NUDT5: variants seen among roughly 807,000 people sequenced by gnomAD.
NUDT5 encodes nudix hydrolase 5, also known as ADP-sugar pyrophosphatase.
Under a neutral mutation model 34.1 loss-of-function variants are expected in NUDT5, and 21 were observed. The ratio of observed to expected loss-of-function variants is 0.62; its 90% CI spans 0.44 to 0.89. The LOEUF (loss-of-function observed/expected upper bound fraction) is 0.89. NUDT5 is among the 40% of genes least tolerant of loss of function. NUDT5 has a pLI of 0.00. For synonymous variants in NUDT5, 85 were observed against 97.6 expected (o/e 0.87, Z 0.76); for missense variants, 249 against 274.8 (o/e 0.91, Z 0.66).
At chr10:12,174,221 C>T (rs1834911586) in intron 5 of NUDT5, among the ~76,000 whole-genome samples, 1 of 151,162 alleles carries the variant, frequency 6.6e-6, no homozygotes, top group Non-Finnish European at 1.5e-5. Context: ...AGAATCGGAG[C>T]ACTGTGAAAA....
chr10:12,194,193 G>C (rs1027921441), intron 1 of NUDT5, among the ~76,000 whole-genome samples: 1 of 152,160 alleles, frequency 6.6e-6, no homozygotes, highest in Admixed American at 6.5e-5. Flanking sequence ...AATGTTTCTT[G>C]GGCTGTTAAA....
chr10:12,178,614 T>A (rs536048827), intron 4 of NUDT5, among the ~76,000 whole-genome samples: 1 of 152,210 alleles, frequency 6.6e-6, no homozygotes, highest in Non-Finnish European at 1.5e-5. Flanking sequence ...TGTAGGCTCT[T>A]TGCAGTCAAG....
At chr10:12,185,461 T>A (rs1188021249) in intron 2 of NUDT5, among the ~76,000 whole-genome samples, 1 of 152,148 alleles carries the variant, frequency 6.6e-6, no homozygotes, top group East Asian at 1.9e-4. Context: ...GACACGTGGG[T>A]TTCCCACCCA....
In NUDT5 at chr10:12,186,272, G is replaced by A. The variant is rs777960561; in HGVS notation, c.20C>T (p.Thr7Met). Residue 7 changes from threonine (T) to methionine (M), a missense_variant, in exon 2 of 10, where the codon ACG (threonine) becomes ATG (methionine). Coordinates refer to ENST00000491614, the MANE Select transcript of NUDT5 (RefSeq NM_014142.4). ...CTGTTTGCCATTCTGAGAAGATTCCGTTGGTTCTTGGCTCTCCATTTTCAA... is the reference window on the plus strand; with the variant it reads ...CTGTTTGCCATTCTGAGAAGATTCCATTGGTTCTTGGCTCTCCATTTTCAA... MESQEP[T>M]ESSQNGKQYI... is the part of the protein sequence containing the mutation. 6.2e-6 allele frequency: 10 copies of A among 1,613,618 alleles called. No individual in the cohort carries two copies. The highest frequency in any genetic ancestry group is 4.0e-5 in the African/African-American group (3 of 74,936).
rs182406972 is a variant in NUDT5 at position 12,176,145 on chromosome 10, T to C, written c.289+1648A>G. ...CCGGGAGGCGGAGGTTGCAGTGAGC[T>C]GAGATCCTGCCATTGCACTCCAGCC... On this transcript the variant is annotated intron_variant, in intron 5 of 9. Coordinates refer to ENST00000491614, the MANE Select transcript of NUDT5 (RefSeq NM_014142.4). Among the ~76,000 whole-genome samples, 748 of 150,952 alleles carry C rather than the reference T, an allele frequency of 5.0e-3. 4 individuals carry two copies. Among genetic ancestry groups the C allele is most frequent in the African/African-American group, 0.017 (685 of 41,074 alleles).
At position 12,169,368 on chromosome 10, in the gene NUDT5, C is replaced by T. The variant is rs1476491981; in HGVS notation, c.550+1349G>A. ...GGCATTTCACACTTGCCTACGTCAC[C>T]CTGCTTTCCACGCACCTCCTCAGAG... On this transcript the variant is annotated intron_variant, in intron 9 of 9. Coordinates refer to ENST00000491614, the MANE Select transcript of NUDT5 (RefSeq NM_014142.4). This position sits in a 1 kb window ranked among gnomAD's most constrained non-coding sequence, Gnocchi z 4.8. 1.7e-5 allele frequency: 24 copies of T among 1,383,170 alleles called. No individual in the cohort carries two copies. Among genetic ancestry groups the T allele is most frequent in the Non-Finnish European group, 2.3e-5 (23 of 1,004,180 alleles). The allele number at this position is 1,383,170 out of a possible 1,614,324, so 85.7% of individuals were successfully genotyped here.
chr10:12,172,563 A>G, intron 7 of NUDT5: 1 of 589,540 alleles, frequency 1.7e-6, no homozygotes, highest in Admixed American at 3.0e-5. Context: ...TTTTACAAAG[A>G]AAGCGTAAAG....
At chr10:12,167,965 G>A (rs1834748344) in intron 9 of NUDT5, 154 bp from the exon 10 acceptor site, 3 of 1,339,464 alleles carry the variant, frequency 2.2e-6, no homozygotes, top group East Asian at 2.8e-5. Context: ...GGATCTTAAA[G>A]AATAAAGACT....
Position 12,168,763 on chromosome 10 carries a change from A to T in NUDT5, c.551-952T>A, listed in dbSNP as rs1426879939. 1.3e-5 allele frequency among the ~76,000 whole-genome samples: 2 copies of T among 149,514 alleles called. No homozygotes were observed. Among genetic ancestry groups the T allele is most frequent in the Admixed American group, 6.7e-5 (1 of 14,980 alleles). On this transcript the variant is annotated intron_variant, in intron 9 of 9. Transcript: ENST00000491614. The surrounding 1 kb of genome is among the most constrained non-coding windows in gnomAD (Gnocchi z 4.8). ...TTTGTAGCAAACTGATCTTTTTTTA[A>T]TTTTTTTTTTATGTTTTTGAGATGG...
chr10:12,171,899 A>G lies in NUDT5; in HGVS notation c.487+866T>C, dbSNP rs1834864722. ...ACCACCATGCCTGGCTAATTTTTGT[A>G]TTTTTAGTAGAGTCAGGGTTTCACC... On this transcript the variant is annotated intron_variant, in intron 7 of 9. Coordinates refer to ENST00000491614, the MANE Select transcript of NUDT5 (RefSeq NM_014142.4). This position sits in a 1 kb window ranked among gnomAD's most constrained non-coding sequence, Gnocchi z 4.2. 1.3e-5 allele frequency among the ~76,000 whole-genome samples: 2 copies of G among 151,732 alleles called. No homozygotes were observed. The highest frequency in any genetic ancestry group is 2.9e-5 in the Non-Finnish European group (2 of 67,956).
rs991084105 is a variant in NUDT5, at chr10:12,181,640, C to A, written c.132-2508G>T. 1.3e-5 allele frequency among the ~76,000 whole-genome samples: 2 copies of A among 151,988 alleles called. No individual in the cohort carries two copies. Among genetic ancestry groups the A allele is most frequent in the Non-Finnish European group, 2.9e-5 (2 of 68,028 alleles). On this transcript the variant is annotated intron_variant, in intron 3 of 9. Coordinates refer to ENST00000491614, the MANE Select transcript of NUDT5 (RefSeq NM_014142.4). The surrounding 1 kb of genome is among the most constrained non-coding windows in gnomAD (Gnocchi z 5.0). Reference sequence around the variant, plus strand: ...GGTCTGCACACATGCCATTTCATGACCCTCTGTGGGAGTACCTGCAGAGGG... The same window carrying A: ...GGTCTGCACACATGCCATTTCATGAACCTCTGTGGGAGTACCTGCAGAGGG...
At chr10:12,193,255 G>A (rs755058527) in intron 1 of NUDT5, among the ~76,000 whole-genome samples, 9 of 152,204 alleles carry the variant, frequency 5.9e-5, no homozygotes, top group Non-Finnish European at 1.3e-4. Context: ...CTGGGACATC[G>A]GAAGAAAAAA....
In NUDT5 at chr10:12,170,412, T is replaced by C; in HGVS notation, c.550+305A>G. ...CCCACACCTTTGCATTGCTATGGAC[T>C]GAAGGTTTAAAGTGTAGAATCGTTT... is the stretch of plus-strand genomic sequence containing the variant. On this transcript the variant is annotated intron_variant, in intron 9 of 9. Transcript: ENST00000491614. This position sits in a 1 kb window ranked among gnomAD's most constrained non-coding sequence, Gnocchi z 4.9. 1 of 621,022 alleles carries C rather than the reference T, an allele frequency of 1.6e-6. No homozygotes were observed. The highest frequency in any genetic ancestry group is 2.0e-5 in the South Asian group (1 of 49,984). 38.5% of individuals were successfully genotyped at this position (621,022 alleles called of 1,614,324 possible).
In NUDT5 at chr10:12,170,829, C is replaced by G; in HGVS notation, c.497-59G>C. ...AACGTCAAGAGCCTACCAAAACAACCCAAAATGTCTGCAGCCATCACCACT... is the reference window on the plus strand; with the variant it reads ...AACGTCAAGAGCCTACCAAAACAACGCAAAATGTCTGCAGCCATCACCACT... On this transcript the variant is annotated intron_variant, in intron 8 of 9. Transcript: ENST00000491614. This position sits in a 1 kb window ranked among gnomAD's most constrained non-coding sequence, Gnocchi z 4.9. 1.2e-6 allele frequency: 2 copies of G among 1,613,028 alleles called. No individual in the cohort carries two copies. Among genetic ancestry groups the G allele is most frequent in the Non-Finnish European group, 1.7e-6 (2 of 1,179,032 alleles).
intron 1 of NUDT5, among the ~76,000 whole-genome samples, chr10:12,190,606 CTTTTTTT>C (rs1013405393): frequency 3.1e-5 from 4 of 127,958 alleles, no homozygotes; most frequent in Non-Finnish European, 6.6e-5. Flanking sequence ...ATGATAAAGC[CTTTTTTT>C]TTTTTTTTTT....
intron 3 of NUDT5, among the ~76,000 whole-genome samples, chr10:12,180,858 T>A (rs746659738): frequency 2.0e-5 from 3 of 152,220 alleles, no homozygotes; most frequent in Non-Finnish European, 4.4e-5. Context: ...AAAAGCCTGT[T>A]GGCCTTCCTC....
In NUDT5 at chr10:12,169,042, C is replaced by T. The variant is rs769689246; in HGVS notation, c.551-1231G>A. On this transcript the variant is annotated intron_variant, in intron 9 of 9. Transcript: ENST00000491614. The surrounding 1 kb of genome is among the most constrained non-coding windows in gnomAD (Gnocchi z 4.8). ...CCTCCCAAAGTGCTGGGATTACAGGCGTGAGCCACCGCACCCGGCCAGCAA... is the reference window on the plus strand; with the variant it reads ...CCTCCCAAAGTGCTGGGATTACAGGTGTGAGCCACCGCACCCGGCCAGCAA... 3.3e-5 allele frequency among the ~76,000 whole-genome samples: 5 copies of T among 152,190 alleles called. No individual in the cohort carries two copies. The highest frequency in any genetic ancestry group is 6.5e-5 in the Admixed American group (1 of 15,274).
chr10:12,170,983 G>T lies in NUDT5; in HGVS notation c.488-75C>A. The stretch of plus-strand genomic sequence containing the variant: ...ATCGGAAGACTTTTATACAAGAGGC[G>T]TCAAAAAGGCTTTGAGAATTTCACA... On this transcript the variant is annotated intron_variant, in intron 7 of 9. Transcript: ENST00000491614. This position sits in a 1 kb window ranked among gnomAD's most constrained non-coding sequence, Gnocchi z 4.9. The T allele has an allele frequency of 6.6e-7, 1 of 1,503,980 alleles. No individual in the cohort carries two copies. The highest frequency in any genetic ancestry group is 9.1e-7 in the Non-Finnish European group (1 of 1,099,248). 93.2% of individuals were successfully genotyped at this position (1,503,980 alleles called of 1,614,324 possible).
intron 7 of NUDT5, 109 bp downstream of exon 7, chr10:12,172,656 C>A (rs1173695761): frequency 1.4e-6 from 1 of 711,202 alleles, no homozygotes; most frequent in African/African-American, 1.7e-5. Context: ...ATTTGAAAGA[C>A]CGATTCTTTC....
Sources: gnomAD v4.1 joint callset for allele counts (sites outside exome capture counted in the v4.1 genomes callset) on GRCh38, gnomAD v4.1.1 for gene constraint, Gnocchi (gnomAD v3.1) non-coding constraint, MANE v1.5 for transcripts, NCBI Gene and HGNC (gene_info 2026-07-23, HGNC 2026-07-21) for gene names.